ACOXL: variants seen among roughly 807,000 people sequenced by gnomAD.
ACOXL encodes the protein acyl-coenzyme A oxidase-like protein.
A neutral mutation model predicts 71.9 loss-of-function variants in ACOXL; 70 were observed. That is an observed-to-expected ratio of 0.97 (90% CI 0.80 to 1.19). The LOEUF (loss-of-function observed/expected upper bound fraction) is 1.19, where lower values mean the gene tolerates loss of function less well. ACOXL is among the 50% of genes most tolerant of loss of function. The probability of loss-of-function intolerance (pLI) is 0.00; values close to 1 mark genes in which losing one functional copy is unlikely to be tolerated. For synonymous variants in ACOXL, 253 were observed against 281.6 expected, an observed-to-expected ratio of 0.90 and a Z score of 1.02; for missense variants, 703 against 736.3, an observed-to-expected ratio of 0.95 and a Z score of 0.52.
At chr2:110,869,505 G>C (rs1695003952) in intron 10 of ACOXL, among the ~76,000 whole-genome samples, 1 of 152,190 alleles carries the variant, frequency 6.6e-6, no homozygotes, top group Non-Finnish European at 1.5e-5. Flanking sequence ...TCCTGGCGGG[G>C]ATGTATTCTC....
At chr2:111,083,068 G>A (rs535147387) in intron 16 of ACOXL, among the ~76,000 whole-genome samples, 1 of 152,126 alleles carries the variant, frequency 6.6e-6, no homozygotes, top group African/African-American at 2.4e-5. Context: ...AGCATTAGGA[G>A]AAATACCTAA....
At chr2:110,881,672 C>T (rs111918775) in intron 10 of ACOXL, among the ~76,000 whole-genome samples, 14 of 152,294 alleles carry the variant, frequency 9.2e-5, no homozygotes, top group African/African-American at 3.4e-4. Flanking sequence ...CAATAATCTG[C>T]TTTCCATAAC....
rs10204170 is a variant in ACOXL at position 111,060,498 on chromosome 2, T to C, written c.1440+11210T>C. ...ACCTTGGTGGTCACAGAGGTTGCAG[T>C]GTATCACCCTCCCCTGATGGTGCAG... On this transcript the variant is annotated intron_variant, in intron 16 of 17. Coordinates refer to ENST00000439055, the MANE Select transcript of ACOXL (RefSeq NM_001142807.4). 6.5e-3 allele frequency among the ~76,000 whole-genome samples: 989 copies of C among 152,264 alleles called. 10 individuals are homozygous for C. The highest frequency in any genetic ancestry group is 0.022 in the African/African-American group (923 of 41,548).
chr2:110,892,229 G>A (rs1034103129), intron 10 of ACOXL, among the ~76,000 whole-genome samples: 1 of 152,124 alleles, frequency 6.6e-6, no homozygotes, highest in Non-Finnish European at 1.5e-5. Flanking sequence ...CTGACCTTTG[G>A]GATGGAGCCA....
intron 1 of ACOXL, among the ~76,000 whole-genome samples, chr2:110,756,804 T>A (rs1679758922): frequency 6.6e-6 from 1 of 152,250 alleles, no homozygotes; most frequent in Non-Finnish European, 1.5e-5. Flanking sequence ...TATTGGTCTA[T>A]CTGCCTGTTT....
chr2:110,798,478 G>A (rs970606051), intron 5 of ACOXL, 132 bp from the exon 6 acceptor site: 98 of 645,496 alleles, frequency 1.5e-4, no homozygotes, highest in Non-Finnish European at 2.6e-4. Context: ...GGATGGTCTC[G>A]ATCTCCTGAC....
intron 11 of ACOXL, among the ~76,000 whole-genome samples, chr2:110,920,855 G>A (rs536678642): frequency 6.6e-6 from 1 of 152,106 alleles, no homozygotes; most frequent in Non-Finnish European, 1.5e-5. Flanking sequence ...TCTTCTTTGA[G>A]TTCTGTTTTG....
At chr2:110,793,277 C>CAG (rs76560438) in intron 3 of ACOXL, among the ~76,000 whole-genome samples, 7,820 of 152,254 alleles carry the variant, frequency 0.051, 315 homozygotes, top group African/African-American at 0.11. Context: ...CCTCCACAGA[C>CAG]GGGTCAGCAT....
intron 16 of ACOXL, among the ~76,000 whole-genome samples, chr2:111,074,381 A>G (rs1045901780): frequency 3.3e-5 from 5 of 151,950 alleles, no homozygotes; most frequent in African/African-American, 1.2e-4. Flanking sequence ...ACTAGATATG[A>G]TATTCTCTAC....
intron 9 of ACOXL, among the ~76,000 whole-genome samples, chr2:110,809,958 T>A (rs1687111847): frequency 6.6e-6 from 1 of 152,172 alleles, no homozygotes; most frequent in Non-Finnish European, 1.5e-5. Flanking sequence ...CTTCCACAGC[T>A]CCAGAGAGGT....
intron 10 of ACOXL, among the ~76,000 whole-genome samples, chr2:110,859,166 T>C (rs958590123): frequency 2.6e-5 from 4 of 152,240 alleles, no homozygotes; most frequent in African/African-American, 7.2e-5. Context: ...ACCTTTTGCA[T>C]AACCATATTT....
intron 10 of ACOXL, among the ~76,000 whole-genome samples, chr2:110,895,296 C>G (rs530088710): frequency 2.0e-4 from 31 of 152,002 alleles, no homozygotes; most frequent in African/African-American, 7.5e-4. Flanking sequence ...ATTGGATGGT[C>G]TCAACAGAAA....
At chr2:111,113,767 C>T (rs1470769854) in intron 17 of ACOXL, among the ~76,000 whole-genome samples, 2 of 152,198 alleles carry the variant, frequency 1.3e-5, no homozygotes. Context: ...CTCATTTTAC[C>T]AACCACTTTA....
intron 16 of ACOXL, among the ~76,000 whole-genome samples, chr2:111,081,514 A>G (rs2067916054): frequency 6.6e-6 from 1 of 152,202 alleles, no homozygotes. Context: ...GCTCAACGAA[A>G]TAAGAGAGGA....
At chr2:110,863,595 C>G (rs966955340) in intron 10 of ACOXL, among the ~76,000 whole-genome samples, 1 of 151,670 alleles carries the variant, frequency 6.6e-6, no homozygotes, top group Admixed American at 6.6e-5. Flanking sequence ...CCCTGAGCAC[C>G]CCCCCCAACT....
chr2:110,955,680 C>G (rs1455924605), intron 12 of ACOXL, among the ~76,000 whole-genome samples: 1 of 152,094 alleles, frequency 6.6e-6, no homozygotes, highest in Non-Finnish European at 1.5e-5. Context: ...TCACCTCCAG[C>G]CCAGCCTTCT....
intron 3 of ACOXL, among the ~76,000 whole-genome samples, chr2:110,785,878 C>T (rs1311219354): frequency 6.6e-6 from 1 of 152,182 alleles, no homozygotes; most frequent in Non-Finnish European, 1.5e-5. Context: ...AATTCACATT[C>T]CCACCAACAG....
At chr2:111,012,716 G>A (rs1343113931) in intron 14 of ACOXL, among the ~76,000 whole-genome samples, 2 of 152,106 alleles carry the variant, frequency 1.3e-5, no homozygotes, top group African/African-American at 4.8e-5. Context: ...AATAAAAGAA[G>A]CAATCACAAG....
chr2:110,984,835 C>T lies in ACOXL; in HGVS notation c.1060-2273C>T, dbSNP rs185783377. ...ATTCATTTACTCAAGGGTGAGTCCT[C>T]GCCTCTGGGCTCTGGGCAGTACATT... On this transcript the variant is annotated intron_variant, in intron 12 of 17. Coordinates refer to ENST00000439055, the MANE Select transcript of ACOXL (RefSeq NM_001142807.4). 2.5e-4 allele frequency among the ~76,000 whole-genome samples: 38 copies of T among 152,312 alleles called. 1 individual carries two copies. Among genetic ancestry groups the T allele is most frequent in the African/African-American group, 7.9e-4 (33 of 41,570 alleles).
Sources: gnomAD v4.1 joint callset for allele counts (sites outside exome capture counted in the v4.1 genomes callset) on GRCh38, gnomAD v4.1.1 for gene constraint, MANE v1.5 for transcripts, NCBI Gene and HGNC (gene_info 2026-07-23, HGNC 2026-07-21) for gene names.